Variants in SPMIP2 observed in about 807,000 individuals in gnomAD.
SPMIP2 encodes the protein sperm microtubule inner protein 2.
chr4:159,003,147 T>C, the SPMIP2 span, among the ~76,000 whole-genome samples: 2 of 152,218 alleles, frequency 1.3e-5, no homozygotes, highest in African/African-American at 4.8e-5. Flanking sequence ...TAATTCGCCC[T>C]GTGACCTTTC....
At chr4:158,987,712 T>A in the SPMIP2 span, among the ~76,000 whole-genome samples, 1 of 152,052 alleles carries the variant, frequency 6.6e-6, no homozygotes, top group Non-Finnish European at 1.5e-5. Context: ...CACACCAGCA[T>A]GGCACATGTA....
chr4:158,930,782 G>A, the SPMIP2 span, among the ~76,000 whole-genome samples: 4 of 152,284 alleles, frequency 2.6e-5, no homozygotes, highest in Non-Finnish European at 4.4e-5. Flanking sequence ...ACTGGGATTA[G>A]AGTCATGAGT....
chr4:158,933,237 C>T, the SPMIP2 span, among the ~76,000 whole-genome samples: 26 of 152,160 alleles, frequency 1.7e-4, no homozygotes, highest in African/African-American at 4.8e-4. Flanking sequence ...TCAAGTGATC[C>T]GCCTGCCTTG....
chr4:159,001,463 CTA>C, the SPMIP2 span, among the ~76,000 whole-genome samples: 391 of 152,222 alleles, frequency 2.6e-3, 1 homozygote, highest in African/African-American at 9.2e-3. Flanking sequence ...GGTACTAAGC[CTA>C]GTACCCAATA....
At chr4:159,076,335 CA>C in the SPMIP2 span, among the ~76,000 whole-genome samples, 118 of 152,252 alleles carry the variant, frequency 7.8e-4, no homozygotes, top group Middle Eastern at 3.4e-3. Flanking sequence ...TATTATTATA[CA>C]GCATACAGCA....
chr4:159,061,304 T>C, the SPMIP2 span, among the ~76,000 whole-genome samples: 271 of 151,862 alleles, frequency 1.8e-3, no homozygotes, highest in Non-Finnish European at 3.3e-3. Context: ...TTGTTCCCTG[T>C]CCCCTCATCA....
chr4:158,938,876 T>A, the SPMIP2 span, among the ~76,000 whole-genome samples: 1 of 152,218 alleles, frequency 6.6e-6, no homozygotes, highest in Non-Finnish European at 1.5e-5. Flanking sequence ...GAGGCAGCTG[T>A]CCAAAATCTT....
chr4:158,907,316 C>T, the SPMIP2 span: 3 of 152,080 alleles, frequency 2.0e-5, no homozygotes, highest in African/African-American at 4.8e-5. Context: ...ATCCATTTTT[C>T]GAAGTGTGCT....
chr4:158,958,105 C>A, the SPMIP2 span, among the ~76,000 whole-genome samples: 4 of 152,064 alleles, frequency 2.6e-5, no homozygotes, highest in Non-Finnish European at 5.9e-5. Flanking sequence ...GTTCCTCCCC[C>A]ACCTCACCTC....
the SPMIP2 span, among the ~76,000 whole-genome samples, chr4:159,030,156 C>T: frequency 3.3e-5 from 5 of 152,074 alleles, no homozygotes; most frequent in African/African-American, 1.2e-4. Flanking sequence ...CTCATGCCTG[C>T]AATCCCAGCA....
the SPMIP2 span, among the ~76,000 whole-genome samples, chr4:158,991,612 A>C: frequency 6.6e-5 from 10 of 152,292 alleles, no homozygotes; most frequent in African/African-American, 2.4e-4. Context: ...CTGAGTGGCT[A>C]ATTTCCCCTG....
the SPMIP2 span, among the ~76,000 whole-genome samples, chr4:159,080,843 C>T: frequency 6.6e-6 from 1 of 151,894 alleles, no homozygotes; most frequent in Non-Finnish European, 1.5e-5. Context: ...CCTGCCTCAG[C>T]CTCCTGAGTA....
At chr4:159,021,728 T>G in the SPMIP2 span, among the ~76,000 whole-genome samples, 1 of 152,052 alleles carries the variant, frequency 6.6e-6, no homozygotes, top group Non-Finnish European at 1.5e-5. Context: ...TACAAGGGAG[T>G]CTAAGATACT....
chr4:158,979,114 C>T, the SPMIP2 span, among the ~76,000 whole-genome samples: 1 of 151,960 alleles, frequency 6.6e-6, no homozygotes, highest in Non-Finnish European at 1.5e-5. Context: ...GTGGCTTTGC[C>T]GAGCTGAGGT....
At chr4:159,039,219 G>A in the SPMIP2 span, among the ~76,000 whole-genome samples, 6 of 152,124 alleles carry the variant, frequency 3.9e-5, no homozygotes, top group South Asian at 4.1e-4. Flanking sequence ...AATTACAGGC[G>A]TGAGCCACCA....
the SPMIP2 span, among the ~76,000 whole-genome samples, chr4:159,034,589 A>G: frequency 6.6e-6 from 1 of 152,214 alleles, no homozygotes; most frequent in Non-Finnish European, 1.5e-5. Flanking sequence ...TAGCAGTATC[A>G]TGTAAATTAA....
chr4:159,056,506 T>C, the SPMIP2 span, among the ~76,000 whole-genome samples: 3 of 152,212 alleles, frequency 2.0e-5, no homozygotes, highest in African/African-American at 7.2e-5. Flanking sequence ...AACAGTTGCT[T>C]ATTTTTTGCC....
chr4:158,905,678 T>G, the SPMIP2 span: 1 of 133,098 alleles, frequency 7.5e-6, no homozygotes, highest in Non-Finnish European at 1.6e-5. Context: ...ACCAAAATGA[T>G]TTCCTAAAGT....
the SPMIP2 span, among the ~76,000 whole-genome samples, chr4:159,000,261 C>T: frequency 1.9e-4 from 29 of 152,106 alleles, no homozygotes; most frequent in Non-Finnish European, 7.4e-5. Flanking sequence ...ATTTATTCAT[C>T]TGAAATTCAA....
Sources: allele counts gnomAD v4.1 joint callset (sites outside exome capture counted in the v4.1 genomes callset), GRCh38; gene constraint gnomAD v4.1.1; transcripts MANE v1.5; gene names NCBI Gene and HGNC (gene_info 2026-07-23, HGNC 2026-07-21).